LPAR1: variants seen among roughly 807,000 people sequenced by gnomAD.
The protein encoded by LPAR1 is LPA receptor 1.
A neutral mutation model predicts 23.8 loss-of-function variants in LPAR1; 5 were observed. That is an observed-to-expected ratio of 0.21 (90% confidence interval 0.11 to 0.44). The LOEUF (loss-of-function observed/expected upper bound fraction) is 0.44. Ranked by LOEUF, LPAR1 falls within the 20% of genes least tolerant of loss-of-function variation. The pLI, the probability that LPAR1 is intolerant of heterozygous loss-of-function variation, is 0.99. For missense variants in LPAR1, 311 were observed against 482.8 expected (o/e 0.64, Z 3.33); for synonymous variants, 160 against 164.7 (o/e 0.97, Z 0.22).
intron 5 of LPAR1, among the ~76,000 whole-genome samples, chr9:110,899,531 G>A (rs1191424524): frequency 6.6e-6 from 1 of 152,182 alleles, no homozygotes; most frequent in Non-Finnish European, 1.5e-5. Flanking sequence ...CGTAAGTGCA[G>A]GGAGTAGCAA....
chr9:110,941,544 G>C lies in LPAR1; in HGVS notation c.670C>G (p.Leu224Val). The C allele has an allele frequency of 6.2e-7, 1 of 1,614,074 alleles. No individual in the cohort carries two copies. Among genetic ancestry groups the C allele is most frequent in the Non-Finnish European group, 8.5e-7 (1 of 1,179,994 alleles). Residue 224 changes from leucine (L) to valine (V), a missense_variant, in exon 5 of 6, where the codon CTC becomes GTC. This residue lies in a region of LPAR1 where 250 missense variants were observed against 427.2 expected (regional missense o/e 0.59). Coordinates refer to ENST00000683809, the MANE Select transcript of LPAR1 (RefSeq NM_001351411.2). This position sits in a 1 kb window ranked among gnomAD's most constrained non-coding sequence, Gnocchi z 6.1. ...NLVTFVVMVV[L>V]YAHIFGYVRQ... ...ACATAGCCAAAGATGTGAGCATAGA[G>C]AACCACCATTACCACAAAGGTCACC...
chr9:110,970,048 T>A (rs950606512), intron 4 of LPAR1, among the ~76,000 whole-genome samples: 1 of 152,198 alleles, frequency 6.6e-6, no homozygotes, highest in African/African-American at 2.4e-5. Context: ...AGTGATTGTA[T>A]GAAATAGAAC....
chr9:110,962,727 C>T (rs951952875), intron 4 of LPAR1, among the ~76,000 whole-genome samples: 8 of 152,164 alleles, frequency 5.3e-5, no homozygotes, highest in African/African-American at 1.4e-4. Context: ...CTGAGCCTGC[C>T]TAACACAATC....
chr9:110,943,878 A>AT (rs1299270202), intron 4 of LPAR1, among the ~76,000 whole-genome samples: 2 of 152,026 alleles, frequency 1.3e-5, no homozygotes, highest in African/African-American at 4.8e-5. Context: ...AAAAAAAAAA[A>AT]AAAAAGACAA....
rs532797042 is a variant in LPAR1 at position 111,008,486 on chromosome 9, CA to C, written c.-182+27635del. Among the ~76,000 whole-genome samples, 12 of 152,170 alleles carry C rather than the reference CA, an allele frequency of 7.9e-5. No individual in the cohort carries two copies. In the East Asian group the frequency reaches 2.3e-3, roughly 29 times the overall value. On this transcript the variant is annotated intron_variant, in intron 2 of 5. Transcript: ENST00000683809. ...GGGAGTCTGTCAGCCGATTATATCCCAATAATCCCAGGTGACCTTGAGTTTT... is the reference window on the plus strand; with the variant it reads ...GGGAGTCTGTCAGCCGATTATATCCCATAATCCCAGGTGACCTTGAGTTTT...
intron 2 of LPAR1, among the ~76,000 whole-genome samples, chr9:111,024,103 G>A (rs895916145): frequency 7.2e-5 from 11 of 152,092 alleles, no homozygotes; most frequent in Non-Finnish European, 1.5e-4. Flanking sequence ...CATGTTCTTG[G>A]ACCATATGCA....
chr9:110,938,816 A>C (rs2094899685), intron 5 of LPAR1, among the ~76,000 whole-genome samples: 1 of 152,118 alleles, frequency 6.6e-6, no homozygotes. Flanking sequence ...CCAGGCTACA[A>C]TGAGCCAAGA....
intron 4 of LPAR1, among the ~76,000 whole-genome samples, chr9:110,957,692 C>A (rs1196002929): frequency 1.3e-5 from 2 of 152,144 alleles, no homozygotes; most frequent in Non-Finnish European, 2.9e-5. Context: ...AGCATGCCCA[C>A]TTTCACCACT....
intron 5 of LPAR1, among the ~76,000 whole-genome samples, chr9:110,902,361 T>C (rs1015675346): frequency 6.6e-6 from 1 of 152,074 alleles, no homozygotes; most frequent in African/African-American, 2.4e-5. Context: ...TATTGAATCA[T>C]GGGGGTGGAT....
rs913801201 is a variant in LPAR1, at chr9:110,953,457, A to T, written c.46-11289T>A. 2.0e-5 allele frequency among the ~76,000 whole-genome samples: 3 copies of T among 152,230 alleles called. No individual in the cohort carries two copies. The East Asian group carries it at 5.8e-4, about 29-fold the overall frequency. ...GGTGGACAGATCACCTGAGGTCGGA[A>T]GTTCAAGACCAGCCTGATCAACATG... On this transcript the variant is annotated intron_variant, in intron 4 of 5. Transcript: ENST00000683809.
intron 2 of LPAR1, among the ~76,000 whole-genome samples, chr9:111,029,811 G>A (rs1253913843): frequency 2.6e-5 from 4 of 151,890 alleles, no homozygotes; most frequent in Non-Finnish European, 4.4e-5. Flanking sequence ...AGCACTTTGA[G>A]AGGCCGAGGC....
At chr9:110,907,364 C>A (rs563312535) in intron 5 of LPAR1, among the ~76,000 whole-genome samples, 7 of 152,160 alleles carry the variant, frequency 4.6e-5, no homozygotes, top group African/African-American at 1.7e-4. Flanking sequence ...AAGGGGTAAT[C>A]GTTCTTGGTC....
chr9:111,032,851 A>C (rs2141650231), intron 2 of LPAR1, among the ~76,000 whole-genome samples: 1 of 152,314 alleles, frequency 6.6e-6, no homozygotes, highest in South Asian at 2.1e-4. Flanking sequence ...AATGAACAAA[A>C]TTTCCTTCAA....
At chr9:110,958,502 G>A (rs2095837048) in intron 4 of LPAR1, among the ~76,000 whole-genome samples, 1 of 152,134 alleles carries the variant, frequency 6.6e-6, no homozygotes, top group East Asian at 1.9e-4. Flanking sequence ...TCAATAAGTG[G>A]TGCTGGGAAA....
At chr9:111,024,749 GC>G (rs1367246025) in intron 2 of LPAR1, among the ~76,000 whole-genome samples, 1 of 150,678 alleles carries the variant, frequency 6.6e-6, no homozygotes, top group Non-Finnish European at 1.5e-5. Flanking sequence ...CCCTCCCTGT[GC>G]CCATATGTTC....
chr9:110,976,052 G>A (rs1380428234), intron 2 of LPAR1, among the ~76,000 whole-genome samples: 1 of 151,906 alleles, frequency 6.6e-6, no homozygotes, highest in Non-Finnish European at 1.5e-5. Context: ...AATCATGGGG[G>A]AACTAAACAA....
chr9:110,895,591 C>G (rs1005107407), intron 5 of LPAR1, among the ~76,000 whole-genome samples: 2 of 152,132 alleles, frequency 1.3e-5, no homozygotes, highest in Non-Finnish European at 2.9e-5. Flanking sequence ...GGAGTGAACA[C>G]ACAGGCCTCA....
chr9:110,926,141 C>T (rs1171555982), intron 5 of LPAR1, among the ~76,000 whole-genome samples: 3 of 152,072 alleles, frequency 2.0e-5, no homozygotes, highest in Non-Finnish European at 2.9e-5. Flanking sequence ...AGGATGGTCT[C>T]GATCTCCTGA....
At chr9:111,022,858 G>A (rs1316237178) in intron 2 of LPAR1, among the ~76,000 whole-genome samples, 1 of 151,792 alleles carries the variant, frequency 6.6e-6, no homozygotes, top group Non-Finnish European at 1.5e-5. Context: ...AGACCATCCT[G>A]GCTAACACGG....
Sources: allele counts gnomAD v4.1 joint callset (sites outside exome capture counted in the v4.1 genomes callset), GRCh38; gene constraint gnomAD v4.1.1; regional missense constraint gnomAD v4.1.1; non-coding constraint Gnocchi (gnomAD v3.1); transcripts MANE v1.5; gene names NCBI Gene and HGNC (gene_info 2026-07-23, HGNC 2026-07-21).